The following TDRD3 variants were observed in gnomAD, a reference collection of about 807,000 sequenced individuals.
TDRD3 encodes the protein tudor domain containing 3.
TDRD3 carries 45 observed loss-of-function variants against 86.7 expected under a neutral mutation model. That is an observed-to-expected ratio of 0.52 (90% CI 0.41 to 0.67). The LOEUF (loss-of-function observed/expected upper bound fraction) is 0.67, where lower values mean the gene tolerates loss of function less well. TDRD3 is among the 30% of genes least tolerant of loss of function. TDRD3 has a pLI of 0.00. For synonymous variants in TDRD3, 298 were observed against 301.7 expected (o/e 0.99, Z 0.13); for missense variants, 814 against 889.0 (o/e 0.92, Z 1.07).
At chr13:60,425,888 G>T (rs1401078010) in intron 1 of TDRD3, among the ~76,000 whole-genome samples, 1 of 152,040 alleles carries the variant, frequency 6.6e-6, no homozygotes, top group African/African-American at 2.4e-5. Flanking sequence ...TCTTTTTATT[G>T]TAGGAATATA....
intron 12 of TDRD3, among the ~76,000 whole-genome samples, chr13:60,544,945 A>T (rs1460439898): frequency 6.6e-6 from 1 of 152,194 alleles, no homozygotes; most frequent in Non-Finnish European, 1.5e-5. Flanking sequence ...GGAGATCAGT[A>T]ATTATTTATT....
rs746467246 is a variant in TDRD3 at position 60,509,897 on chromosome 13, T to A, written c.993T>A (p.Pro331=). 4 of 1,613,610 alleles carry A rather than the reference T, an allele frequency of 2.5e-6. No homozygotes were observed. Among genetic ancestry groups the A allele is most frequent in the Non-Finnish European group, 3.4e-6 (4 of 1,179,606 alleles). The change falls in exon 9 of 14, where the codon CCT becomes CCA. Residue 331 remains proline (P), a synonymous_variant. Transcript: ENST00000377881. ...TTCTTACAAGCAATAAACAGAAACC[T>A]GTTATGGGTCCTCCTCTGAGAGGTA... The part of the protein sequence containing the change: ...NVLLTSNKQK[P]VMGPPLRGRG...
Position 60,494,454 on chromosome 13 carries a change from G to T in TDRD3, c.737G>T (p.Gly246Val). 6.2e-7 allele frequency: 1 copy of T among 1,612,726 alleles called. No homozygotes were observed. The highest frequency in any genetic ancestry group is 1.1e-5 in the South Asian group (1 of 90,822). Residue 246 changes from glycine to valine, a missense_variant, in exon 8 of 14, where the codon GGT (glycine) becomes GTT (valine). Gly to Val is a moderately radical substitution (Grantham distance 109). Coordinates refer to ENST00000377881, the MANE Select transcript of TDRD3 (RefSeq NM_001146070.2). ...GTAAAGACCAAGACATTTGGAGGAG[G>T]TGGTGGTGGTGCTAGAAGTAATCTC... ...KSKETKTFGG[G>V]GGGARSNLNM...
rs202198281 is a variant in TDRD3, at chr13:60,560,586, TA to T, written c.2119-6938del. ...ATGTTAGAGGAAGGACAATGATGAA[TA>T]GTACTGTATTTGCTTCTAGTGTCAT... is the stretch of plus-strand genomic sequence containing the variant. On this transcript the variant is annotated intron_variant, in intron 12 of 13. Coordinates refer to ENST00000377881, the MANE Select transcript of TDRD3 (RefSeq NM_001146070.2). 6.1e-3 allele frequency among the ~76,000 whole-genome samples: 922 copies of T among 152,192 alleles called. 20 individuals carry two copies. The East Asian group carries it at 0.073, about 12-fold the overall frequency.
chr13:60,556,975 C>CGGGCAGATCACCTGAGGT (rs1238918110), intron 12 of TDRD3, among the ~76,000 whole-genome samples: 2 of 152,038 alleles, frequency 1.3e-5, no homozygotes, highest in African/African-American at 4.8e-5. Context: ...GAGGCTGAGG[C>CGGGCAGATCACCTGAGGT]GGGCAGATCA....
At chr13:60,556,602 A>G (rs1186500333) in intron 12 of TDRD3, among the ~76,000 whole-genome samples, 1 of 152,220 alleles carries the variant, frequency 6.6e-6, no homozygotes, top group African/African-American at 2.4e-5. Context: ...ACCTACTAAA[A>G]ATATTAAAGC....
intron 12 of TDRD3, among the ~76,000 whole-genome samples, chr13:60,553,714 C>T (rs1225699318): frequency 6.6e-6 from 1 of 152,100 alleles, no homozygotes; most frequent in Non-Finnish European, 1.5e-5. Flanking sequence ...CATCAGCTCT[C>T]ATGAGAACTC....
intron 9 of TDRD3, 35 bp from the exon 10 acceptor site, chr13:60,510,595 T>C (rs780726219): frequency 1.3e-6 from 2 of 1,529,508 alleles, no homozygotes; most frequent in Non-Finnish European, 1.7e-6. Flanking sequence ...TGTTTTTGCA[T>C]ATACAGTACA....
chr13:60,562,932 AT>A (rs999740981), intron 12 of TDRD3, among the ~76,000 whole-genome samples: 4 of 152,124 alleles, frequency 2.6e-5, no homozygotes, highest in African/African-American at 9.7e-5. Context: ...AGGAATGGTA[AT>A]ATAAGATAAA....
chr13:60,411,747 A>G (rs1954374371), intron 1 of TDRD3, among the ~76,000 whole-genome samples: 1 of 152,288 alleles, frequency 6.6e-6, no homozygotes, highest in East Asian at 1.9e-4. Flanking sequence ...GGCCAGCAGC[A>G]TTGATATCAC....
intron 8 of TDRD3, among the ~76,000 whole-genome samples, chr13:60,508,192 C>T (rs1425963308): frequency 6.6e-6 from 1 of 152,122 alleles, no homozygotes; most frequent in Non-Finnish European, 1.5e-5. Flanking sequence ...GGCCATACTG[C>T]CCAAAGTAAT....
intron 10 of TDRD3, among the ~76,000 whole-genome samples, chr13:60,521,350 A>G (rs528335704): frequency 5.3e-5 from 8 of 152,224 alleles, no homozygotes; most frequent in African/African-American, 1.2e-4. Context: ...ACTGAGTGCC[A>G]CCTATTTGCC....
chr13:60,535,222 A>G lies in TDRD3; in HGVS notation c.2107A>G (p.Thr703Ala), dbSNP rs759728825. The change falls in exon 12 of 14, where the codon ACA becomes GCA. Residue 703 changes from threonine (T) to alanine (A), a missense_variant. Transcript: ENST00000377881. Reference protein sequence around the residue: ...VLLSNIKPIQTEAWEEEGTYD... With the variant: ...VLLSNIKPIQAEAWEEEGTYD... ...ACTGAGCAATATCAAGCCCATTCAAACAGAGGCATGGGTACGTGATACATA... is the reference window on the plus strand; with the variant it reads ...ACTGAGCAATATCAAGCCCATTCAAGCAGAGGCATGGGTACGTGATACATA... 6.2e-7 allele frequency: 1 copy of G among 1,613,544 alleles called. No individual in the cohort carries two copies. Among genetic ancestry groups the G allele is most frequent in the Non-Finnish European group, 8.5e-7 (1 of 1,179,656 alleles).
chr13:60,426,794 T>A (rs754356832), intron 1 of TDRD3, among the ~76,000 whole-genome samples: 1 of 152,166 alleles, frequency 6.6e-6, no homozygotes, highest in Non-Finnish European at 1.5e-5. Flanking sequence ...ATTCATCACT[T>A]TATGGGGTAT....
At chr13:60,438,846 C>T (rs533368463) in intron 1 of TDRD3, among the ~76,000 whole-genome samples, 1 of 151,988 alleles carries the variant, frequency 6.6e-6, no homozygotes, top group East Asian at 1.9e-4. Context: ...GGTGATGGTA[C>T]CATTAGCCAT....
chr13:60,523,573 CTTTTTTTTTTTTT>C (rs67692021), intron 10 of TDRD3, among the ~76,000 whole-genome samples: 1 of 105,054 alleles, frequency 9.5e-6, no homozygotes, highest in Non-Finnish European at 1.9e-5. Flanking sequence ...ATACATTTTT[CTTTTTTTTTTTTT>C]TTTTTTTTGA....
At chr13:60,433,170 G>A (rs1954997072) in intron 1 of TDRD3, among the ~76,000 whole-genome samples, 1 of 152,136 alleles carries the variant, frequency 6.6e-6, no homozygotes, top group Non-Finnish European at 1.5e-5. Flanking sequence ...ATTATTTCAG[G>A]AAGTCAAGTT....
At chr13:60,452,155 C>G (rs917171266) in intron 3 of TDRD3, among the ~76,000 whole-genome samples, 4 of 152,072 alleles carry the variant, frequency 2.6e-5, no homozygotes, top group African/African-American at 9.7e-5. Context: ...TGAGCTGGCT[C>G]CAGCACAACC....
At chr13:60,422,505 T>C (rs2137876673) in intron 1 of TDRD3, among the ~76,000 whole-genome samples, 1 of 152,208 alleles carries the variant, frequency 6.6e-6, no homozygotes, top group Non-Finnish European at 1.5e-5. Context: ...AGAATTAAAT[T>C]TACTCCAACG....
Sources: gnomAD v4.1 joint callset for allele counts (sites outside exome capture counted in the v4.1 genomes callset) on GRCh38, gnomAD v4.1.1 for gene constraint, MANE v1.5 for transcripts, NCBI Gene and HGNC (gene_info 2026-07-23, HGNC 2026-07-21) for gene names.